LRFN5: variants seen among roughly 807,000 people sequenced by gnomAD.
LRFN5 encodes the protein leucine-rich repeat and fibronectin type-III domain-containing protein 5.
Under a neutral mutation model 45.6 loss-of-function variants are expected in LRFN5, and 24 were observed. That is an observed-to-expected ratio of 0.53 (90% CI 0.38 to 0.74). The LOEUF is 0.74. Ranked by LOEUF, LRFN5 falls within the 30% of genes least tolerant of loss-of-function variation. LRFN5 has a pLI of 0.00. For synonymous variants in LRFN5, 340 were observed against 313.8 expected (o/e 1.08, Z -0.88); for missense variants, 776 against 861.5 (o/e 0.90, Z 1.24).
At chr14:41,800,146 T>C (rs773908789) in intron 2 of LRFN5, among the ~76,000 whole-genome samples, 64 of 152,172 alleles carry the variant, frequency 4.2e-4, no homozygotes, top group South Asian at 1.9e-3. Flanking sequence ...ACCATGTGGG[T>C]CACTTAAAAT....
intron 2 of LRFN5, among the ~76,000 whole-genome samples, chr14:41,863,872 C>T (rs963062166): frequency 3.3e-5 from 5 of 152,014 alleles, no homozygotes; most frequent in Admixed American, 6.6e-5. Flanking sequence ...TGTGATCTCC[C>T]TCTCCCTGTG....
chr14:41,753,119 G>T (rs1275405323), intron 1 of LRFN5, among the ~76,000 whole-genome samples: 2 of 151,940 alleles, frequency 1.3e-5, no homozygotes, highest in East Asian at 1.9e-4. Context: ...TGTTCCATTG[G>T]TCTATATTTC....
At position 41,609,446 on chromosome 14, in the gene LRFN5, T is replaced by C. The variant is rs922886989; in HGVS notation, c.-197+884T>C. Among the ~76,000 whole-genome samples, 22 of 152,156 alleles carry C rather than the reference T, an allele frequency of 1.4e-4. 1 individual carries two copies. The highest frequency in any genetic ancestry group is 2.4e-4 in the Non-Finnish European group (16 of 68,034). ...GACTGCCTAATTAACATATTGGGTCTGGTATGTTAAAATGAGATTTCCATG... is the reference window on the plus strand; with the variant it reads ...GACTGCCTAATTAACATATTGGGTCCGGTATGTTAAAATGAGATTTCCATG... On this transcript the variant is annotated intron_variant, in intron 1 of 5. Coordinates refer to ENST00000298119, the MANE Select transcript of LRFN5 (RefSeq NM_152447.5).
chr14:41,832,308 T>A (rs1306959856), intron 2 of LRFN5, among the ~76,000 whole-genome samples: 1 of 152,194 alleles, frequency 6.6e-6, no homozygotes, highest in East Asian at 1.9e-4. Flanking sequence ...AATCACAGGA[T>A]GTAAAAGTAG....
intron 1 of LRFN5, among the ~76,000 whole-genome samples, chr14:41,651,161 C>T (rs1566604018): frequency 6.6e-6 from 1 of 152,064 alleles, no homozygotes; most frequent in East Asian, 1.9e-4. Flanking sequence ...GGCAAGGGAG[C>T]AAATTGTGTA....
chr14:41,697,486 C>A (rs1430016281), intron 1 of LRFN5, among the ~76,000 whole-genome samples: 1 of 151,574 alleles, frequency 6.6e-6, no homozygotes, highest in Non-Finnish European at 1.5e-5. Flanking sequence ...TCTATTTCTT[C>A]GAGTTTGGTC....
At chr14:41,665,465 C>T (rs1880853149) in intron 1 of LRFN5, among the ~76,000 whole-genome samples, 1 of 152,008 alleles carries the variant, frequency 6.6e-6, no homozygotes, top group Admixed American at 6.6e-5. Flanking sequence ...TTTCTGCCAG[C>T]ACTTAACTCA....
intron 1 of LRFN5, among the ~76,000 whole-genome samples, chr14:41,763,577 T>A (rs1885757163): frequency 6.6e-6 from 1 of 152,138 alleles, no homozygotes; most frequent in African/African-American, 2.4e-5. Flanking sequence ...GGGAGGGACA[T>A]GGTGGGAAGG....
At chr14:41,806,497 A>G (rs957606387) in intron 2 of LRFN5, among the ~76,000 whole-genome samples, 1 of 152,116 alleles carries the variant, frequency 6.6e-6, no homozygotes, top group Non-Finnish European at 1.5e-5. Context: ...ATAGCACTTA[A>G]GATAGATCTT....
chr14:41,767,678 T>C (rs1172759865), intron 2 of LRFN5, among the ~76,000 whole-genome samples: 2 of 152,204 alleles, frequency 1.3e-5, no homozygotes, highest in Admixed American at 6.5e-5. Context: ...TGAAGATCTG[T>C]AAAATGCATA....
At chr14:41,883,604 C>A (rs1890463214) in intron 2 of LRFN5, among the ~76,000 whole-genome samples, 3 of 152,122 alleles carry the variant, frequency 2.0e-5, no homozygotes, top group African/African-American at 7.2e-5. Context: ...CTTCATGGAG[C>A]ACTTTAAAGA....
intron 2 of LRFN5, among the ~76,000 whole-genome samples, chr14:41,857,776 G>A (rs962804743): frequency 1.3e-5 from 2 of 152,162 alleles, no homozygotes; most frequent in African/African-American, 4.8e-5. Flanking sequence ...GTTATTAGAC[G>A]ATAAGAAGAT....
At chr14:41,782,833 C>T (rs1886577247) in intron 2 of LRFN5, among the ~76,000 whole-genome samples, 1 of 152,122 alleles carries the variant, frequency 6.6e-6, no homozygotes, top group Admixed American at 6.6e-5. Flanking sequence ...CCTGAAATCA[C>T]TCTTATTACA....
At position 41,607,327 on chromosome 14, in the gene LRFN5, G is replaced by C. The variant is rs1338701546; in HGVS notation, c.-1432G>C. On this transcript the variant is annotated 5_prime_UTR_variant, in exon 1 of 6. Coordinates refer to ENST00000298119, the MANE Select transcript of LRFN5 (RefSeq NM_152447.5). ...CAGAAAAAAAAAGCGCAACTGGACG[G>C]GGGTGGGGCAGACCAACGAAACCTA... Among the ~76,000 whole-genome samples the C allele has an allele frequency of 6.6e-6, 1 of 152,104 alleles. No individual in the cohort carries two copies. The highest frequency in any genetic ancestry group is 1.5e-5 in the Non-Finnish European group (1 of 68,002).
intron 2 of LRFN5, 36 bp downstream of exon 2, chr14:41,767,065 G>C (rs543416657): frequency 3.9e-5 from 6 of 152,672 alleles, no homozygotes; most frequent in Admixed American, 1.3e-4. Context: ...CATTGTCAGT[G>C]GGTTTAAAAC....
chr14:41,696,395 G>A (rs1882610885), intron 1 of LRFN5, among the ~76,000 whole-genome samples: 2 of 151,726 alleles, frequency 1.3e-5, no homozygotes, highest in African/African-American at 4.8e-5. Context: ...AAGTTCTGTT[G>A]GTAAAATTTT....
intron 2 of LRFN5, among the ~76,000 whole-genome samples, chr14:41,867,953 A>G (rs1889895472): frequency 1.3e-5 from 2 of 152,066 alleles, no homozygotes; most frequent in Non-Finnish European, 2.9e-5. Context: ...TGTAGGACAG[A>G]TCTCCTGACT....
In LRFN5 at chr14:41,606,913, A is replaced by G. The variant is rs1204564635; in HGVS notation, c.-1846A>G. Among the ~76,000 whole-genome samples the G allele has an allele frequency of 6.6e-6, 1 of 151,900 alleles. No individual in the cohort carries two copies. Among genetic ancestry groups the G allele is most frequent in the African/African-American group, 2.4e-5 (1 of 41,396 alleles). ...GCCTTCATGCTGCAGCGCAGGGCTC[A>G]GTTCCACGCGGCCAGGAGGCCGCCG... On this transcript the variant is annotated 5_prime_UTR_variant, in exon 1 of 6. Transcript: ENST00000298119.
chr14:41,719,979 T>A (rs1883648683), intron 1 of LRFN5, among the ~76,000 whole-genome samples: 2 of 152,174 alleles, frequency 1.3e-5, no homozygotes, highest in Admixed American at 1.3e-4. Flanking sequence ...TTAATAATTT[T>A]AACTTTCATT....
Sources: gnomAD v4.1 joint callset for allele counts (sites outside exome capture counted in the v4.1 genomes callset) on GRCh38, gnomAD v4.1.1 for gene constraint, MANE v1.5 for transcripts, NCBI Gene and HGNC (gene_info 2026-07-23, HGNC 2026-07-21) for gene names.